HSD17B12: variants seen among roughly 807,000 people sequenced by gnomAD.
HSD17B12 encodes the protein hydroxysteroid 17-beta dehydrogenase 12.
HSD17B12 carries 32 observed loss-of-function variants against 39.3 expected under a neutral mutation model. The ratio of observed to expected loss-of-function variants is 0.81; its 90% CI spans 0.61 to 1.09. HSD17B12 has a LOEUF of 1.09. Among genes scored for constraint, HSD17B12 ranks in the 50% least tolerant of loss-of-function variants. The pLI is 0.00. For synonymous variants in HSD17B12, 150 were observed against 146.7 expected (o/e 1.02, Z -0.16); for missense variants, 342 against 382.9 (o/e 0.89, Z 0.89).
chr11:43,630,126 G>A, the HSD17B12 span, among the ~76,000 whole-genome samples: 4 of 152,090 alleles, frequency 2.6e-5, no homozygotes, highest in Non-Finnish European at 5.9e-5. Context: ...GGCCTACAGG[G>A]TTCCTTATAC....
At chr11:43,568,415 GT>G in the HSD17B12 span, among the ~76,000 whole-genome samples, 3 of 151,636 alleles carry the variant, frequency 2.0e-5, no homozygotes, top group Non-Finnish European at 2.9e-5. Flanking sequence ...CTGTTTGTTT[GT>G]TTTTTTTTTA....
At chr11:43,738,593 GT>G (rs1950337247) in intron 1 of HSD17B12, among the ~76,000 whole-genome samples, 1 of 152,180 alleles carries the variant, frequency 6.6e-6, no homozygotes, top group Admixed American at 6.5e-5. Context: ...TCTAAATAAG[GT>G]GTGGAAAAAG....
intron 3 of HSD17B12, among the ~76,000 whole-genome samples, chr11:43,759,694 A>G (rs556996131): frequency 6.6e-6 from 1 of 152,124 alleles, no homozygotes; most frequent in African/African-American, 2.4e-5. Flanking sequence ...ATTATTTTAC[A>G]GTCCTTTCTT....
chr11:43,826,111 C>T (rs571964524), intron 6 of HSD17B12, among the ~76,000 whole-genome samples: 4 of 131,156 alleles, frequency 3.0e-5, no homozygotes, highest in African/African-American at 1.2e-4. Context: ...GAGACGGAGT[C>T]TCACTCTGTC....
the HSD17B12 span, among the ~76,000 whole-genome samples, chr11:43,586,202 A>G: frequency 6.6e-6 from 1 of 152,070 alleles, no homozygotes. Context: ...AAAGACTGAC[A>G]CCCCAGGGTT....
At chr11:43,850,361 T>C (rs548444592) in intron 9 of HSD17B12, among the ~76,000 whole-genome samples, 1 of 152,324 alleles carries the variant, frequency 6.6e-6, no homozygotes, top group African/African-American at 2.4e-5. Flanking sequence ...ATATTCTTCA[T>C]AGGAGCCCCA....
Position 43,838,364 on chromosome 11 carries a change from C to T in HSD17B12, c.584C>T (p.Pro195Leu). 3 of 1,613,198 alleles carry T rather than the reference C, an allele frequency of 1.9e-6. No individual in the cohort carries two copies. Among genetic ancestry groups the T allele is most frequent in the African/African-American group, 1.3e-5 (1 of 75,000 alleles). ...ATTTCATCTGGCAGTGGCATGCTCC[C>T]TGTCCCACTCTTGACCATCTATTCT... ...LNISSGSGML[P>L]VPLLTIYSAT... Residue 195 changes from proline to leucine, a missense_variant, in exon 8 of 11, where the codon CCT (proline) becomes CTT (leucine). Pro to Leu is a moderately conservative substitution (Grantham distance 98). Transcript: ENST00000278353.
the HSD17B12 span, among the ~76,000 whole-genome samples, chr11:43,597,145 A>G: frequency 4.6e-5 from 7 of 152,238 alleles, no homozygotes; most frequent in African/African-American, 1.7e-4. Flanking sequence ...ACTAGAGGTC[A>G]AAACAGAGTG....
In HSD17B12 at chr11:43,755,610, G is replaced by A. The variant is rs531344912; in HGVS notation, c.283+1489G>A. Reference sequence around the variant, plus strand: ...AAATTCTTTCAATGAGAATTGATGAGAGAGGATTTCTTCTATATTTTGTTA... The same window carrying A: ...AAATTCTTTCAATGAGAATTGATGAAAGAGGATTTCTTCTATATTTTGTTA... On this transcript the variant is annotated intron_variant, in intron 3 of 10. Transcript: ENST00000278353. 2.6e-5 allele frequency: 4 copies of A among 152,336 alleles called. No homozygotes were observed. In the South Asian group the frequency reaches 8.3e-4, roughly 32 times the overall value. The allele number at this position is 152,336 out of a possible 1,614,324, so 9.4% of individuals were successfully genotyped here.
intron 3 of HSD17B12, among the ~76,000 whole-genome samples, chr11:43,784,674 G>T (rs953954104): frequency 6.6e-6 from 1 of 152,122 alleles, no homozygotes; most frequent in African/African-American, 2.4e-5. Flanking sequence ...AGGGTAATAC[G>T]CAGGGGAGCA....
intron 1 of HSD17B12, among the ~76,000 whole-genome samples, chr11:43,720,780 A>C (rs1249114288): frequency 6.6e-6 from 1 of 152,178 alleles, no homozygotes; most frequent in East Asian, 1.9e-4. Flanking sequence ...TGAGAAGTTA[A>C]CAAGTGGTAG....
intron 1 of HSD17B12, among the ~76,000 whole-genome samples, chr11:43,747,476 G>A (rs940415221): frequency 5.3e-5 from 8 of 152,138 alleles, no homozygotes; most frequent in African/African-American, 1.2e-4. Flanking sequence ...AAAAATAGGG[G>A]ACAATAAGTT....
At chr11:43,625,005 C>G in the HSD17B12 span, among the ~76,000 whole-genome samples, 1 of 151,528 alleles carries the variant, frequency 6.6e-6, no homozygotes, top group Non-Finnish European at 1.5e-5. Flanking sequence ...ATACATTCAC[C>G]AGAATCACAT....
intron 3 of HSD17B12, 87 bp downstream of exon 3, chr11:43,754,208 C>A: frequency 1.2e-6 from 1 of 860,494 alleles, no homozygotes; most frequent in South Asian, 1.6e-5. Flanking sequence ...ATTTCTAGTT[C>A]AGGAAACTTC....
At chr11:43,762,280 T>G (rs1053665618) in intron 3 of HSD17B12, among the ~76,000 whole-genome samples, 8 of 152,232 alleles carry the variant, frequency 5.3e-5, no homozygotes, top group South Asian at 2.1e-4. Flanking sequence ...TTTTACAAAA[T>G]GTTTAATTTT....
chr11:43,712,846 A>G (rs1428153720), intron 1 of HSD17B12, among the ~76,000 whole-genome samples: 1 of 152,186 alleles, frequency 6.6e-6, no homozygotes, highest in Non-Finnish European at 1.5e-5. Flanking sequence ...GTTATCCTTC[A>G]TTGGAGTATT....
chr11:43,626,052 A>G, the HSD17B12 span, among the ~76,000 whole-genome samples: 1 of 151,616 alleles, frequency 6.6e-6, no homozygotes, highest in East Asian at 1.9e-4. Flanking sequence ...TTTTATTTTC[A>G]CGAAAAGCAA....
chr11:43,628,805 T>G, the HSD17B12 span, among the ~76,000 whole-genome samples: 1 of 151,678 alleles, frequency 6.6e-6, no homozygotes, highest in Non-Finnish European at 1.5e-5. Context: ...AAAATTAAAT[T>G]ATTTTTATAA....
chr11:43,636,307 C>G, the HSD17B12 span, among the ~76,000 whole-genome samples: 2 of 152,170 alleles, frequency 1.3e-5, no homozygotes, highest in Non-Finnish European at 2.9e-5. Context: ...TCTTCCAAAA[C>G]TGCTGCTGCT....
Sources: allele counts gnomAD v4.1 joint callset (sites outside exome capture counted in the v4.1 genomes callset), GRCh38; gene constraint gnomAD v4.1.1; transcripts MANE v1.5; gene names NCBI Gene and HGNC (gene_info 2026-07-23, HGNC 2026-07-21).